Variants in COG6 observed in about 807,000 individuals in gnomAD.
COG6 encodes the protein component of oligomeric golgi complex 6, also known as conserved oligomeric Golgi complex subunit 6.
COG6 carries 74 observed loss-of-function variants against 88.8 expected under a neutral mutation model. The ratio of observed to expected loss-of-function variants is 0.83; its 90% CI spans 0.69 to 1.01. COG6 has a LOEUF of 1.01. COG6 is among the 50% of genes least tolerant of loss of function. The probability of loss-of-function intolerance (pLI) is 0.00; values close to 1 mark genes in which losing one functional copy is unlikely to be tolerated. For synonymous variants in COG6, 286 were observed against 278.7 expected, an observed-to-expected ratio of 1.03 and a Z score of -0.26; for missense variants, 800 against 797.9, an observed-to-expected ratio of 1.00 and a Z score of -0.03.
intron 18 of COG6, among the ~76,000 whole-genome samples, chr13:39,736,908 G>A (rs958822282): frequency 2.6e-5 from 4 of 152,120 alleles, no homozygotes; most frequent in Admixed American, 6.5e-5. Flanking sequence ...TCTGGGCATC[G>A]AAGAGGTGGG....
At chr13:39,663,461 A>T (rs1157004277) in intron 3 of COG6, among the ~76,000 whole-genome samples, 1 of 152,186 alleles carries the variant, frequency 6.6e-6, no homozygotes, top group Admixed American at 6.5e-5. Flanking sequence ...ACTATATTTT[A>T]AAAATTGCAC....
At chr13:39,722,449 G>A (rs1217926030) in intron 15 of COG6, among the ~76,000 whole-genome samples, 1 of 151,810 alleles carries the variant, frequency 6.6e-6, no homozygotes, top group Non-Finnish European at 1.5e-5. Flanking sequence ...TTTTTTAGGG[G>A]GACGAGCAGA....
At chr13:39,667,056 TTTA>T (rs1414321911) in intron 4 of COG6, among the ~76,000 whole-genome samples, 2 of 152,140 alleles carry the variant, frequency 1.3e-5, no homozygotes, top group African/African-American at 4.8e-5. Context: ...TCACCCTAAT[TTTA>T]GTGAGAGCAG....
At chr13:39,660,049 G>A (rs923025169) in intron 2 of COG6, among the ~76,000 whole-genome samples, 2 of 152,012 alleles carry the variant, frequency 1.3e-5, no homozygotes, top group African/African-American at 2.4e-5. Context: ...TTAATACATT[G>A]TAATACTAAT....
chr13:39,669,423 A>G (rs376288795), intron 4 of COG6, among the ~76,000 whole-genome samples: 1 of 152,104 alleles, frequency 6.6e-6, no homozygotes, highest in Non-Finnish European at 1.5e-5. Flanking sequence ...TTTTGTTTTA[A>G]TTTTTAGTGT....
chr13:39,716,821 A>G (rs1878554466), intron 13 of COG6, among the ~76,000 whole-genome samples: 1 of 152,188 alleles, frequency 6.6e-6, no homozygotes. Context: ...ATCTTATTAC[A>G]TTGTATGCCC....
Position 39,752,585 on chromosome 13 carries a change from T to C in COG6, c.*1492T>C. ...TCCTTTGTTTTATAGGGAAAATTTA[T>C]TGTGCTTTTTACCTGGTTTTTTCAA... is the stretch of plus-strand genomic sequence containing the variant. On this transcript the variant is annotated 3_prime_UTR_variant, in exon 19 of 19. Coordinates refer to ENST00000455146, the MANE Select transcript of COG6 (RefSeq NM_020751.3). The C allele has an allele frequency of 7.9e-7, 1 of 1,264,180 alleles. No homozygotes were observed. The highest frequency in any genetic ancestry group is 1.3e-5 in the South Asian group (1 of 77,376). The allele number at this position is 1,264,180 out of a possible 1,614,324, so 78.3% of individuals were successfully genotyped here.
chr13:39,786,599 T>A (rs1881780470), intron 18 of COG6, among the ~76,000 whole-genome samples: 1 of 152,202 alleles, frequency 6.6e-6, no homozygotes, highest in African/African-American at 2.4e-5. Context: ...TTTGCACTTT[T>A]AAGATTCAAC....
At chr13:39,692,714 T>C (rs535600700) in intron 11 of COG6, among the ~76,000 whole-genome samples, 4 of 152,210 alleles carry the variant, frequency 2.6e-5, no homozygotes, top group African/African-American at 9.6e-5. Flanking sequence ...TTCTGTCTTT[T>C]AGCTCTTCCC....
chr13:39,655,887 G>C lies in COG6; in HGVS notation c.153+8G>C. The C allele has an allele frequency of 3.7e-6, 6 of 1,603,860 alleles. No homozygotes were observed. Among genetic ancestry groups the C allele is most frequent in the Non-Finnish European group, 5.1e-6 (6 of 1,176,498 alleles). On this transcript the variant is annotated splice_region_variant and intron_variant, in intron 1 of 18. Transcript: ENST00000455146. ...CGGCTGGACAACGACAAGGTAACCGGGGCTGGCGGGGCCGGAGTCACAGGT... is the reference window on the plus strand; with the variant it reads ...CGGCTGGACAACGACAAGGTAACCGCGGCTGGCGGGGCCGGAGTCACAGGT...
chr13:39,671,985 G>A (rs536457903), intron 4 of COG6, among the ~76,000 whole-genome samples: 1 of 151,958 alleles, frequency 6.6e-6, no homozygotes, highest in East Asian at 1.9e-4. Context: ...GTGTATTAAT[G>A]CTCTTTGTAC....
At chr13:39,711,012 A>G (rs779835986) in intron 13 of COG6, among the ~76,000 whole-genome samples, 8 of 152,072 alleles carry the variant, frequency 5.3e-5, no homozygotes, top group Non-Finnish European at 1.0e-4. Flanking sequence ...CTATTAATCT[A>G]TAATTGTTTC....
chr13:39,755,966 A>G (rs974345518), downstream of COG6, among the ~76,000 whole-genome samples: 1 of 152,136 alleles, frequency 6.6e-6, no homozygotes, highest in Non-Finnish European at 1.5e-5. Context: ...GCAACAACAA[A>G]CGGGGTGGGG....
intron 13 of COG6, among the ~76,000 whole-genome samples, chr13:39,712,354 C>T (rs1878290145): frequency 6.6e-6 from 1 of 151,804 alleles, no homozygotes; most frequent in African/African-American, 2.4e-5. Flanking sequence ...CCTCATAATA[C>T]TGTTGGAACA....
rs1875834486 is a variant in COG6 at position 39,674,320 on chromosome 13, A to T, written c.429-3148A>T. On this transcript the variant is annotated intron_variant, in intron 4 of 18. Transcript: ENST00000455146. ...TTTGTTTTGCCATTTATATTTCTTT[A>T]CTTTTTTTGTTTTGGTTTATATCTT... Among the ~76,000 whole-genome samples the T allele has an allele frequency of 2.1e-5, 3 of 144,572 alleles. No individual in the cohort carries two copies. The South Asian group carries it at 6.4e-4, about 31-fold the overall frequency. The allele number at this position is 144,572 out of a possible 152,430, so 94.8% of individuals were successfully genotyped here.
intron 4 of COG6, among the ~76,000 whole-genome samples, chr13:39,676,555 C>T (rs1431808009): frequency 6.6e-6 from 1 of 152,066 alleles, no homozygotes; most frequent in African/African-American, 2.4e-5. Flanking sequence ...CATTAGCATT[C>T]AACTTTGAAT....
At chr13:39,728,187 A>C (rs1052910023) in intron 18 of COG6, among the ~76,000 whole-genome samples, 1 of 152,174 alleles carries the variant, frequency 6.6e-6, no homozygotes, top group Non-Finnish European at 1.5e-5. Context: ...AACAGGCACT[A>C]GGAGTTAAGG....
At chr13:39,732,107 A>T (rs1879484373) in intron 18 of COG6, among the ~76,000 whole-genome samples, 1 of 152,136 alleles carries the variant, frequency 6.6e-6, no homozygotes, top group African/African-American at 2.4e-5. Context: ...CAGTCTTCCA[A>T]CTTACATGCC....
intron 18 of COG6, among the ~76,000 whole-genome samples, chr13:39,749,759 C>T (rs909627625): frequency 1.3e-5 from 2 of 152,108 alleles, no homozygotes; most frequent in African/African-American, 4.8e-5. Flanking sequence ...AGAGAACAGT[C>T]AAGGGTTGCA....
Sources: gnomAD v4.1 joint callset for allele counts (sites outside exome capture counted in the v4.1 genomes callset) on GRCh38, gnomAD v4.1.1 for gene constraint, MANE v1.5 for transcripts, NCBI Gene and HGNC (gene_info 2026-07-23, HGNC 2026-07-21) for gene names.